Variants in DCDC1 observed in about 807,000 individuals in gnomAD.
DCDC1 encodes the protein doublecortin domain-containing protein 1.
In DCDC1, 200 loss-of-function variants were observed where a neutral mutation model predicts 178.3. That is an observed-to-expected ratio of 1.12 (90% CI 1.00 to 1.26). The LOEUF (loss-of-function observed/expected upper bound fraction) is 1.26. DCDC1 is among the 50% of genes most tolerant of loss of function. DCDC1 has a pLI of 0.00. For synonymous variants in DCDC1, 690 were observed against 604.8 expected (o/e 1.14, Z -2.07); for missense variants, 1,983 against 1,749.2 (o/e 1.13, Z -2.38).
intron 9 of DCDC1, among the ~76,000 whole-genome samples, chr11:31,146,775 C>T (rs1403979830): frequency 2.0e-5 from 3 of 152,228 alleles, no homozygotes; most frequent in Non-Finnish European, 4.4e-5. Flanking sequence ...CTTGGCTTAA[C>T]TGGTCTGTGA....
chr11:31,144,192 T>G (rs972343769), intron 9 of DCDC1, among the ~76,000 whole-genome samples: 4 of 152,172 alleles, frequency 2.6e-5, no homozygotes, highest in Admixed American at 1.3e-4. Context: ...TAGAGTGCAG[T>G]GGTACAATCT....
At chr11:31,213,284 T>A (rs915699699) in intron 9 of DCDC1, among the ~76,000 whole-genome samples, 2 of 151,752 alleles carry the variant, frequency 1.3e-5, no homozygotes, top group African/African-American at 4.8e-5. Context: ...CATGTCAAAA[T>A]GATCTTTTCA....
At position 31,328,152 on chromosome 11, in the gene DCDC1, G is replaced by T; in HGVS notation, c.129C>A (p.Asn43Lys). The T allele has an allele frequency of 6.2e-7, 1 of 1,610,284 alleles. No individual in the cohort carries two copies. ...PEGTLDGNTV[N>K]PIYKYILNDL... Reference sequence around the variant, plus strand: ...CATTCAAAATATATTTGTAAATTGGGTTTACAGTATTCCCATCCAAAGTGC... The same window carrying T: ...CATTCAAAATATATTTGTAAATTGGTTTTACAGTATTCCCATCCAAAGTGC... The change falls in exon 3 of 39, where the codon AAC (asparagine) becomes AAA (lysine). Residue 43 changes from asparagine to lysine, a missense_variant. Asn to Lys is a moderately conservative substitution (Grantham distance 94, BLOSUM62 0). Transcript: ENST00000684477.
chr11:31,277,255 T>G (rs1946061596), intron 7 of DCDC1, among the ~76,000 whole-genome samples: 1 of 152,116 alleles, frequency 6.6e-6, no homozygotes, highest in Non-Finnish European at 1.5e-5. Context: ...TTTACCACAA[T>G]GCTCGTTCCT....
Position 30,905,425 on chromosome 11 carries a change from T to G in DCDC1, c.4105-261A>C, listed in dbSNP as rs75907932. On this transcript the variant is annotated intron_variant, in intron 30 of 38. Coordinates refer to ENST00000684477, the MANE Select transcript of DCDC1 (RefSeq NM_001387274.1). ...TTTCTGGCATTCTCTTGTTTTTGTT[T>G]GTTTATTTGTTTTTTGCTTTCTCTC... Among the ~76,000 whole-genome samples the G allele has an allele frequency of 8.7e-4, 133 of 152,282 alleles. 3 individuals are homozygous for G. In the East Asian group the frequency reaches 0.021, roughly 24 times the overall value.
chr11:31,213,196 CCAAGA>C, intron 9 of DCDC1, among the ~76,000 whole-genome samples: 1 of 139,126 alleles, frequency 7.2e-6, no homozygotes. Context: ...TTGCTGTCCT[CCAAGA>C]AAGGCATGTG....
intron 20 of DCDC1, among the ~76,000 whole-genome samples, chr11:31,054,823 A>G (rs1341831566): frequency 6.6e-6 from 1 of 152,254 alleles, no homozygotes; most frequent in Non-Finnish European, 1.5e-5. Context: ...CTCATCTTAT[A>G]CAAAAATCAA....
intron 9 of DCDC1, among the ~76,000 whole-genome samples, chr11:31,213,112 T>C (rs1360131496): frequency 3.2e-4 from 14 of 44,286 alleles, no homozygotes; most frequent in African/African-American, 9.3e-4. Context: ...TCTCTCTCTC[T>C]CTCTCTCTCT....
At chr11:31,137,623 C>T in intron 10 of DCDC1, 69 bp downstream of exon 10, 1 of 664,750 alleles carries the variant, frequency 1.5e-6, no homozygotes, top group Non-Finnish European at 2.7e-6. Flanking sequence ...GCGGGGATTA[C>T]AGGCGTAAGC....
At chr11:31,162,076 T>G (rs1322536635) in intron 9 of DCDC1, among the ~76,000 whole-genome samples, 2 of 152,192 alleles carry the variant, frequency 1.3e-5, no homozygotes, top group African/African-American at 4.8e-5. Flanking sequence ...GTTAATCTCA[T>G]GTTTTGGTAT....
chr11:31,161,520 C>A (rs909428114), intron 9 of DCDC1, among the ~76,000 whole-genome samples: 6 of 152,122 alleles, frequency 3.9e-5, no homozygotes, highest in African/African-American at 1.4e-4. Flanking sequence ...TAATTACTAT[C>A]TGCTGGGTGA....
intron 11 of DCDC1, among the ~76,000 whole-genome samples, chr11:31,118,857 C>T (rs577271948): frequency 6.6e-6 from 1 of 152,300 alleles, no homozygotes; most frequent in South Asian, 2.1e-4. Context: ...GGAGCTAATG[C>T]CCAGACCAAT....
chr11:31,118,581 C>A lies in DCDC1; in HGVS notation c.1486-8220G>T, dbSNP rs78174648. 1.9e-4 allele frequency among the ~76,000 whole-genome samples: 29 copies of A among 152,224 alleles called. No homozygotes were observed. In the East Asian group the frequency reaches 5.4e-3, roughly 28 times the overall value. ...AGGAAAGGAATCTCAGCAACTTGAA[C>A]ATATCAAACACTCCGTGAAAAAGCT... On this transcript the variant is annotated intron_variant, in intron 11 of 38. Transcript: ENST00000684477.
intron 9 of DCDC1, among the ~76,000 whole-genome samples, chr11:31,219,887 C>T (rs1179665897): frequency 6.6e-6 from 1 of 152,026 alleles, no homozygotes; most frequent in Non-Finnish European, 1.5e-5. Flanking sequence ...GATAAGAAAC[C>T]TGAAAACAGG....
chr11:30,904,781 C>CTTTGT, intron 31 of DCDC1, 180 bp downstream of exon 31: 1 of 692,784 alleles, frequency 1.4e-6, no homozygotes, highest in East Asian at 2.7e-5. Flanking sequence ...AGTCTGTATC[C>CTTTGT]ACTGACATAC....
chr11:31,259,006 G>A (rs72888120), intron 8 of DCDC1, among the ~76,000 whole-genome samples: 27 of 152,206 alleles, frequency 1.8e-4, no homozygotes, highest in Non-Finnish European at 3.8e-4. Context: ...CTTTATGACT[G>A]GTGCTACTGC....
At chr11:31,069,000 T>C (rs970542738) in intron 18 of DCDC1, among the ~76,000 whole-genome samples, 2 of 152,114 alleles carry the variant, frequency 1.3e-5, no homozygotes, top group African/African-American at 2.4e-5. Flanking sequence ...TACAGGCATA[T>C]GCCACCACGC....
intron 9 of DCDC1, among the ~76,000 whole-genome samples, chr11:31,174,242 G>T (rs1465308284): frequency 6.6e-6 from 1 of 152,206 alleles, no homozygotes; most frequent in Admixed American, 6.5e-5. Context: ...TGCAGGCTTG[G>T]AGTTGCCTAC....
chr11:31,211,594 C>T (rs943847643), intron 9 of DCDC1, among the ~76,000 whole-genome samples: 3 of 152,048 alleles, frequency 2.0e-5, no homozygotes, highest in East Asian at 1.9e-4. Context: ...GTTCTTTAAT[C>T]GGAAAAAATC....
Sources: gnomAD v4.1 joint callset for allele counts (sites outside exome capture counted in the v4.1 genomes callset) on GRCh38, gnomAD v4.1.1 for gene constraint, MANE v1.5 for transcripts, NCBI Gene and HGNC (gene_info 2026-07-23, HGNC 2026-07-21) for gene names.